The following DLG2 variants were observed in gnomAD, a reference collection of about 807,000 sequenced individuals.
DLG2 encodes the protein discs large MAGUK scaffold protein 2.
A neutral mutation model predicts 132.5 loss-of-function variants in DLG2; 45 were observed. The ratio of observed to expected loss-of-function variants is 0.34; its 90% CI spans 0.27 to 0.44. The LOEUF (loss-of-function observed/expected upper bound fraction) is 0.44, where lower values mean the gene tolerates loss of function less well. DLG2 is among the 20% of genes least tolerant of loss of function. The pLI is 1.00. For missense variants in DLG2, 1,045 were observed against 1,196.9 expected (o/e 0.87, Z 1.87); for synonymous variants, 424 against 419.6 (o/e 1.01, Z -0.13).
intron 10 of DLG2, among the ~76,000 whole-genome samples, chr11:84,086,003 G>A (rs920107648): frequency 1.3e-5 from 2 of 152,134 alleles, no homozygotes; most frequent in Non-Finnish European, 2.9e-5. Flanking sequence ...ATACAATGTT[G>A]ATGTTTTAGC....
In DLG2 at chr11:84,009,226, C is replaced by T. The variant is rs568103239; in HGVS notation, c.920-28584G>A. On this transcript the variant is annotated intron_variant, in intron 11 of 27. Transcript: ENST00000376104. ...TAAGTTGGAATATGCCTAGAAGTTT[C>T]GAAATGTTAAGATATAAATCCCTCT... Among the ~76,000 whole-genome samples, 19 of 151,918 alleles carry T rather than the reference C, an allele frequency of 1.3e-4. 1 individual carries two copies. In the South Asian group the frequency reaches 2.5e-3, roughly 20 times the overall value.
chr11:84,201,100 A>C (rs913373507), intron 8 of DLG2, among the ~76,000 whole-genome samples: 3 of 152,028 alleles, frequency 2.0e-5, no homozygotes, highest in Non-Finnish European at 4.4e-5. Context: ...TATGGCTCTT[A>C]TTATTTTGAG....
chr11:84,505,202 C>T (rs1253840019), intron 7 of DLG2, among the ~76,000 whole-genome samples: 1 of 151,918 alleles, frequency 6.6e-6, no homozygotes, highest in Non-Finnish European at 1.5e-5. Context: ...CAATGGTAGG[C>T]GACCCTTCCC....
At chr11:85,374,184 G>C (rs2085214771) in intron 3 of DLG2, among the ~76,000 whole-genome samples, 1 of 152,094 alleles carries the variant, frequency 6.6e-6, no homozygotes, top group Non-Finnish European at 1.5e-5. Flanking sequence ...GAACTTTATT[G>C]GTGGTGTAAG....
chr11:85,412,276 C>T (rs190841699), intron 3 of DLG2, among the ~76,000 whole-genome samples: 115 of 151,840 alleles, frequency 7.6e-4, no homozygotes, highest in African/African-American at 2.7e-3. Context: ...ATTGCTCTGG[C>T]AGGTAGCTGA....
intron 6 of DLG2, chr11:84,720,837 TGAAGAAGAA>T (rs573052708): frequency 6.0e-5 from 9 of 150,270 alleles, no homozygotes; most frequent in African/African-American, 2.0e-4. Flanking sequence ...TTATTCCCTC[TGAAGAAGAA>T]GAAGAAGAAG....
intron 2 of DLG2, among the ~76,000 whole-genome samples, chr11:85,608,632 A>C (rs896347703): frequency 1.3e-5 from 2 of 152,082 alleles, no homozygotes; most frequent in African/African-American, 2.4e-5. Flanking sequence ...GGAAATAAGC[A>C]AAGAAATCTC....
intron 21 of DLG2, among the ~76,000 whole-genome samples, chr11:83,490,769 G>A (rs768574998): frequency 1.4e-4 from 22 of 151,788 alleles, no homozygotes; most frequent in Non-Finnish European, 2.8e-4. Context: ...TCAATGTCAT[G>A]AAAACTATAA....
intron 6 of DLG2, among the ~76,000 whole-genome samples, chr11:84,845,629 C>A (rs1353719153): frequency 6.6e-6 from 1 of 151,726 alleles, no homozygotes; most frequent in Non-Finnish European, 1.5e-5. Flanking sequence ...AATCAGATAA[C>A]CCATCCTTCC....
intron 6 of DLG2, among the ~76,000 whole-genome samples, chr11:84,851,037 G>A (rs2082106454): frequency 1.3e-5 from 2 of 151,978 alleles, no homozygotes; most frequent in African/African-American, 4.8e-5. Flanking sequence ...AAATTGATAT[G>A]ACTCAAATTA....
At chr11:83,716,564 C>T (rs947286913) in intron 18 of DLG2, among the ~76,000 whole-genome samples, 1 of 152,170 alleles carries the variant, frequency 6.6e-6, no homozygotes. Flanking sequence ...TGTTTTAAGT[C>T]CTCTCCAAAT....
chr11:84,134,692 CTGTG>C (rs5793105), intron 9 of DLG2, among the ~76,000 whole-genome samples: 11,577 of 149,610 alleles, frequency 0.077, 522 homozygotes, highest in African/African-American at 0.12. Flanking sequence ...CTTTTGTTAT[CTGTG>C]TGTGTGTGTG....
At chr11:84,221,488 G>C (rs1046301667) in intron 8 of DLG2, among the ~76,000 whole-genome samples, 1 of 151,950 alleles carries the variant, frequency 6.6e-6, no homozygotes, top group African/African-American at 2.4e-5. Flanking sequence ...ATAATATTAA[G>C]AAGCAGCTAT....
chr11:84,550,645 A>T (rs1477230391), intron 6 of DLG2, among the ~76,000 whole-genome samples: 2 of 152,094 alleles, frequency 1.3e-5, no homozygotes, highest in East Asian at 3.8e-4. Flanking sequence ...TCTCCAGCAG[A>T]CTTTGTTCCT....
At chr11:85,452,547 A>G (rs528243974) in intron 3 of DLG2, 3 of 203,464 alleles carry the variant, frequency 1.5e-5, no homozygotes, top group South Asian at 2.2e-4. Flanking sequence ...AGCCACTGCC[A>G]TAGCCTCCAA....
chr11:83,956,157 C>T (rs1051967615), intron 14 of DLG2, among the ~76,000 whole-genome samples: 6 of 152,126 alleles, frequency 3.9e-5, no homozygotes, highest in African/African-American at 4.8e-5. Context: ...TGCTGAGAGA[C>T]GTTTTCATCG....
intron 4 of DLG2, among the ~76,000 whole-genome samples, chr11:85,228,252 C>T (rs76493982): frequency 7.8e-4 from 118 of 152,038 alleles, no homozygotes; most frequent in African/African-American, 2.7e-3. Flanking sequence ...TATGATGAGG[C>T]CCCCAGGAAG....
intron 6 of DLG2, among the ~76,000 whole-genome samples, chr11:84,536,760 T>C (rs1364120514): frequency 6.6e-6 from 1 of 152,226 alleles, no homozygotes; most frequent in African/African-American, 2.4e-5. Context: ...TGCTGCCATC[T>C]GCCAATTTAA....
intron 6 of DLG2, among the ~76,000 whole-genome samples, chr11:84,900,555 A>G (rs939840700): frequency 2.0e-5 from 3 of 152,062 alleles, no homozygotes; most frequent in Non-Finnish European, 4.4e-5. Flanking sequence ...AACTATTTTA[A>G]TATCATAAAG....
Sources: gnomAD v4.1 joint callset for allele counts (sites outside exome capture counted in the v4.1 genomes callset) on GRCh38, gnomAD v4.1.1 for gene constraint, MANE v1.5 for transcripts, NCBI Gene and HGNC (gene_info 2026-07-23, HGNC 2026-07-21) for gene names.